The following C9orf50 variants were observed in gnomAD, a reference collection of about 807,000 sequenced individuals.
C9orf50 encodes the protein chromosome 9 open reading frame 50.
In C9orf50, 33 loss-of-function variants were observed where a neutral mutation model predicts 42.5. The observed-to-expected ratio is 0.78, with a 90% CI of 0.59 to 1.04. The LOEUF (loss-of-function observed/expected upper bound fraction) is 1.04, where lower values mean the gene tolerates loss of function less well. Ranked by LOEUF, C9orf50 falls within the 50% of genes least tolerant of loss-of-function variation. The probability of loss-of-function intolerance (pLI) is 0.00; values close to 1 mark genes in which losing one functional copy is unlikely to be tolerated. For synonymous variants in C9orf50, 257 were observed against 273.4 expected, an observed-to-expected ratio of 0.94 and a Z score of 0.59; for missense variants, 547 against 594.3, an observed-to-expected ratio of 0.92 and a Z score of 0.83.
intron 4 of C9orf50, 53 bp downstream of exon 4, chr9:129,615,431 C>T (rs1028397406): frequency 6.7e-7 from 1 of 1,496,934 alleles, no homozygotes. Context: ...GCCTCTCTGC[C>T]CTCCTGGCTA....
chr9:129,618,051 T>C (rs1564336757), intron 3 of C9orf50, among the ~76,000 whole-genome samples: 1 of 152,204 alleles, frequency 6.6e-6, no homozygotes, highest in Non-Finnish European at 1.5e-5. Context: ...GTGTGAGGAA[T>C]GGTTCTGAGG....
rs1258828728 is a variant in C9orf50, at chr9:129,614,078, G to A, written c.881-481C>T. 6.6e-6 allele frequency among the ~76,000 whole-genome samples: 1 copy of A among 152,186 alleles called. No homozygotes were observed. The highest frequency in any genetic ancestry group is 2.4e-5 in the African/African-American group (1 of 41,444). On this transcript the variant is annotated intron_variant, in intron 4 of 6. Transcript: ENST00000372478. This position sits in a 1 kb window ranked among gnomAD's most constrained non-coding sequence, Gnocchi z 4.4. ...GTCTCCTGGGCACCCTGCTGCCCGG[G>A]ACACCATGATAGCTCCTTATGGCCA...
At position 129,613,443 on chromosome 9, in the gene C9orf50, G is replaced by A. The variant is rs768415449; in HGVS notation, c.1035C>T (p.Cys345=). Reference sequence around the variant, plus strand: ...CTTCCCTGGAGCCTCACAGGCCAGCGCAGTCCCAACACGAGGAGCTGGCCA... The same window carrying A: ...CTTCCCTGGAGCCTCACAGGCCAGCACAGTCCCAACACGAGGAGCTGGCCA... The change falls in exon 5 of 7, where the codon TGC becomes TGT. Residue 345 remains cysteine (C), a synonymous_variant. Coordinates refer to ENST00000372478, the Ensembl canonical transcript of C9orf50. This position sits in a 1 kb window ranked among gnomAD's most constrained non-coding sequence, Gnocchi z 6.2. The A allele has an allele frequency of 3.1e-6, 5 of 1,613,662 alleles. No homozygotes were observed. Among genetic ancestry groups the A allele is most frequent in the Non-Finnish European group, 4.2e-6 (5 of 1,180,000 alleles).
intron 3 of C9orf50, 99 bp downstream of exon 3, chr9:129,619,421 G>A (rs983946189): frequency 1.2e-6 from 1 of 839,918 alleles, no homozygotes; most frequent in African/African-American, 1.7e-5. Flanking sequence ...GGGTAGATAG[G>A]TGGATAAATG....
intron 3 of C9orf50, 118 bp downstream of exon 3, chr9:129,619,402 T>C: frequency 1.3e-6 from 1 of 752,824 alleles, no homozygotes. Flanking sequence ...TATGTAAGGA[T>C]GGATGAATGG....
upstream of C9orf50, among the ~76,000 whole-genome samples, chr9:129,621,764 C>T (rs1184252899): frequency 6.6e-6 from 1 of 152,132 alleles, no homozygotes; most frequent in Non-Finnish European, 1.5e-5. Flanking sequence ...TGCTTCCTCC[C>T]AACCACACCC....
chr9:129,619,916 C>T, intron 1 of C9orf50, 86 bp from the exon 2 acceptor site: 2 of 1,524,748 alleles, frequency 1.3e-6, no homozygotes, highest in Admixed American at 3.5e-5. Context: ...GCAGACCAGC[C>T]CTCAAGGACG....
Position 129,614,071 on chromosome 9 carries a change from T to A in C9orf50, c.881-474A>T, listed in dbSNP as rs1410588551. 1.3e-5 allele frequency among the ~76,000 whole-genome samples: 2 copies of A among 152,212 alleles called. No homozygotes were observed. The highest frequency in any genetic ancestry group is 2.9e-5 in the Non-Finnish European group (2 of 68,032). On this transcript the variant is annotated intron_variant, in intron 4 of 6. Coordinates refer to ENST00000372478, the Ensembl canonical transcript of C9orf50. This position sits in a 1 kb window ranked among gnomAD's most constrained non-coding sequence, Gnocchi z 4.4. ...CCCCCACGTCTCCTGGGCACCCTGCTGCCCGGGACACCATGATAGCTCCTT... is the reference window on the plus strand; with the variant it reads ...CCCCCACGTCTCCTGGGCACCCTGCAGCCCGGGACACCATGATAGCTCCTT...
chr9:129,618,473 T>G (rs1430092177), intron 3 of C9orf50, among the ~76,000 whole-genome samples: 1 of 152,078 alleles, frequency 6.6e-6, no homozygotes, highest in African/African-American at 2.4e-5. Flanking sequence ...AGGGTCTGAA[T>G]AGAACTGAAC....
At chr9:129,618,420 G>A (rs1225706407) in intron 3 of C9orf50, among the ~76,000 whole-genome samples, 4 of 152,162 alleles carry the variant, frequency 2.6e-5, no homozygotes, top group African/African-American at 2.4e-5. Context: ...AAGACTGGGT[G>A]GGTGGGTTGA....
rs1330427239 is a variant in C9orf50, at chr9:129,620,352, G to A, written c.223C>T (p.Arg75Cys). 1 of 1,228,982 alleles carries A rather than the reference G, an allele frequency of 8.1e-7. No individual in the cohort carries two copies. The allele number at this position is 1,228,982 out of a possible 1,614,324, so 76.1% of individuals were successfully genotyped here. Reference sequence around the variant, plus strand: ...AAGGCGGGCAGGCGCGGCGGGAGGCGTCCGACGCCCACCCCGGGCTTGGCG... The same window carrying A: ...AAGGCGGGCAGGCGCGGCGGGAGGCATCCGACGCCCACCCCGGGCTTGGCG... The change falls in exon 1 of 7, where the codon CGC (arginine) becomes TGC (cysteine). Residue 75 changes from arginine to cysteine, a missense_variant. Around this residue, in one of 3 missense-constraint regions of C9orf50, gnomAD observed 108 missense variants for 172.1 expected, o/e 0.63. Transcript: ENST00000372478. This position sits in a 1 kb window ranked among gnomAD's most constrained non-coding sequence, Gnocchi z 5.8.
At position 129,613,418 on chromosome 9, in the gene C9orf50, C is replaced by T; in HGVS notation, c.1043+17G>A. The T allele has an allele frequency of 1.2e-6, 2 of 1,611,490 alleles. No homozygotes were observed. The highest frequency in any genetic ancestry group is 1.7e-6 in the Non-Finnish European group (2 of 1,178,280). ...TGGCAATGTCCACGAGTCCCATCCG[C>T]TTCCCTGGAGCCTCACAGGCCAGCG... On this transcript the variant is annotated intron_variant, in intron 5 of 6. Transcript: ENST00000372478. This position sits in a 1 kb window ranked among gnomAD's most constrained non-coding sequence, Gnocchi z 6.2.
At position 129,620,421 on chromosome 9, in the gene C9orf50, A is replaced by G; in HGVS notation, c.154T>C (p.Trp52Arg). The G allele has an allele frequency of 8.0e-7, 1 of 1,252,184 alleles. No individual in the cohort carries two copies. Among genetic ancestry groups the G allele is most frequent in the East Asian group, 3.2e-5 (1 of 31,596 alleles). 77.6% of individuals were successfully genotyped at this position (1,252,184 alleles called of 1,614,324 possible). The change falls in exon 1 of 7, where the codon TGG becomes CGG. Residue 52 changes from tryptophan (W) to arginine (R), a missense_variant. By Grantham distance (101) the Trp-to-Arg change is moderately radical. This residue lies in a region of C9orf50 where 105 missense variants were observed against 98.5 expected (regional missense o/e 1.07). Transcript: ENST00000372478. The surrounding 1 kb of genome is among the most constrained non-coding windows in gnomAD (Gnocchi z 5.8). ...GCGGCGCCGCCCCCCGGGATCCTCC[A>G]GTCCCCGGAGCCCCGCGCGCCCAGA... is the stretch of plus-strand genomic sequence containing the variant.
chr9:129,621,464 C>A (rs138612709), upstream of C9orf50, among the ~76,000 whole-genome samples: 1 of 152,326 alleles, frequency 6.6e-6, no homozygotes, highest in East Asian at 1.9e-4. Context: ...TCAAGTGATC[C>A]TCCTGCCTCA....
chr9:129,614,903 G>GA lies in C9orf50; in HGVS notation c.880+580dup, dbSNP rs3054726. On this transcript the variant is annotated intron_variant, in intron 4 of 6. Transcript: ENST00000372478. The surrounding 1 kb of genome is among the most constrained non-coding windows in gnomAD (Gnocchi z 4.4). ...GGCGACAGAGTGAGACTCCGTATCA[G>GA]AAAAAAAAAAAGAAAAAGAAAACTC... Among the ~76,000 whole-genome samples, 1,084 of 144,336 alleles carry GA rather than the reference G, an allele frequency of 7.5e-3. 7 individuals are homozygous for GA. The highest frequency in any genetic ancestry group is 0.021 in the Middle Eastern group (6 of 286). 94.7% of individuals were successfully genotyped at this position (144,336 alleles called of 152,430 possible).
chr9:129,619,596 A>C (rs1253222717), exon 3 of C9orf50: 9 of 1,613,992 alleles, frequency 5.6e-6, no homozygotes, highest in Non-Finnish European at 7.6e-6. Context: ...TGCTGGAGCG[A>C]AATCTTCGTA....
At chr9:129,612,714 C>G (rs982480786) in intron 6 of C9orf50, among the ~76,000 whole-genome samples, 1 of 152,204 alleles carries the variant, frequency 6.6e-6, no homozygotes, top group Non-Finnish European at 1.5e-5. Context: ...CCTGTCTCTA[C>G]CGAAAATACA....
chr9:129,619,754 G>A (rs938478370), exon 2 of C9orf50: 2 of 1,614,078 alleles, frequency 1.2e-6, no homozygotes, highest in Non-Finnish European at 1.7e-6. Context: ...GGTCTGGGAG[G>A]AATGAACAGT....
chr9:129,620,044 C>G lies in C9orf50; in HGVS notation c.508+23G>C. 2 of 1,453,472 alleles carry G rather than the reference C, an allele frequency of 1.4e-6. No individual in the cohort carries two copies. Among genetic ancestry groups the G allele is most frequent in the Admixed American group, 5.6e-5 (2 of 35,714 alleles). 90.0% of individuals were successfully genotyped at this position (1,453,472 alleles called of 1,614,324 possible). ...CCACCGGAAATGACTCGGGCCCGCC[C>G]CCCGGGCCCCGCGGGGCCTCACTCA... On this transcript the variant is annotated intron_variant, in intron 1 of 6. Coordinates refer to ENST00000372478, the Ensembl canonical transcript of C9orf50. This position sits in a 1 kb window ranked among gnomAD's most constrained non-coding sequence, Gnocchi z 5.8.
Sources: allele counts gnomAD v4.1 joint callset (sites outside exome capture counted in the v4.1 genomes callset), GRCh38; gene constraint gnomAD v4.1.1; regional missense constraint gnomAD v4.1.1; non-coding constraint Gnocchi (gnomAD v3.1); transcripts MANE v1.5; gene names NCBI Gene and HGNC (gene_info 2026-07-23, HGNC 2026-07-21).